Variants in PARD6G observed in about 807,000 individuals in gnomAD.
PARD6G encodes par-6 family cell polarity regulator gamma.
Under a neutral mutation model 10.7 loss-of-function variants are expected in PARD6G, and 7 were observed. The observed-to-expected ratio is 0.66, with a 90% CI of 0.37 to 1.23. The LOEUF is 1.23. Ranked by LOEUF, PARD6G falls within the 50% of genes most tolerant of loss-of-function variation. The pLI is 0.02. For synonymous variants in PARD6G, 287 were observed against 269.4 expected (o/e 1.07, Z -0.64); for missense variants, 548 against 571.8 (o/e 0.96, Z 0.42).
In PARD6G at chr18:80,231,240, G is replaced by T. The variant is rs527654622; in HGVS notation, c.72+16037C>A. The stretch of plus-strand genomic sequence containing the variant: ...GGTAGGGCCAGGGGAAAGGTGCTGG[G>T]GGTTGGCCTGGGCCCAAGTGTGTGA... On this transcript the variant is annotated intron_variant, in intron 1 of 2. Transcript: ENST00000353265. The surrounding 1 kb of genome is among the most constrained non-coding windows in gnomAD (Gnocchi z 4.2). 4.6e-4 allele frequency among the ~76,000 whole-genome samples: 70 copies of T among 152,368 alleles called. No homozygotes were observed. Among genetic ancestry groups the T allele is most frequent in the South Asian group, 2.1e-3 (10 of 4,834 alleles).
chr18:80,235,793 TAAACCAGGAAGAAGTTG>T (rs1484023586), intron 1 of PARD6G, among the ~76,000 whole-genome samples: 1 of 152,118 alleles, frequency 6.6e-6, no homozygotes, highest in Non-Finnish European at 1.5e-5. Flanking sequence ...CTCCCAAGAC[TAAACCAGGAAGAAGTTG>T]AATCTCTGAA....
intron 2 of PARD6G, among the ~76,000 whole-genome samples, chr18:80,195,806 T>C (rs1283049575): frequency 2.7e-5 from 4 of 148,876 alleles, no homozygotes; most frequent in Non-Finnish European, 5.9e-5. Flanking sequence ...ACCTGGGAGG[T>C]GGCCGTGTCA....
intron 1 of PARD6G, among the ~76,000 whole-genome samples, chr18:80,227,392 C>A (rs1057446077): frequency 6.6e-6 from 1 of 152,218 alleles, no homozygotes; most frequent in African/African-American, 2.4e-5. Context: ...ATGAGTCCCA[C>A]CAGTCCGGCC....
chr18:80,217,124 A>C (rs892482706), intron 1 of PARD6G, among the ~76,000 whole-genome samples: 2 of 152,214 alleles, frequency 1.3e-5, no homozygotes, highest in African/African-American at 4.8e-5. Flanking sequence ...GCCCATAATC[A>C]TGTGGGTATG....
intron 1 of PARD6G, among the ~76,000 whole-genome samples, chr18:80,227,826 G>A (rs1451364354): frequency 6.6e-6 from 1 of 152,054 alleles, no homozygotes; most frequent in Admixed American, 6.6e-5. Context: ...TTCACGAGAG[G>A]GCAACCCCGG....
chr18:80,231,646 C>T lies in PARD6G; in HGVS notation c.72+15631G>A, dbSNP rs2145301900. 6.6e-6 allele frequency among the ~76,000 whole-genome samples: 1 copy of T among 152,244 alleles called. No individual in the cohort carries two copies. The highest frequency in any genetic ancestry group is 2.1e-4 in the South Asian group (1 of 4,828). On this transcript the variant is annotated intron_variant, in intron 1 of 2. Coordinates refer to ENST00000353265, the MANE Select transcript of PARD6G (RefSeq NM_032510.4). The surrounding 1 kb of genome is among the most constrained non-coding windows in gnomAD (Gnocchi z 4.2). ...CATAAAATAGATAAAAACATTCATC[C>T]CAGGGTTGTGGTGAGACTCTAATAT...
At position 80,215,246 on chromosome 18, in the gene PARD6G, C is replaced by T. The variant is rs572034757; in HGVS notation, c.73-12314G>A. Among the ~76,000 whole-genome samples the T allele has an allele frequency of 5.4e-4, 82 of 152,236 alleles. No homozygotes were observed. In the South Asian group the frequency reaches 7.0e-3, roughly 13 times the overall value. On this transcript the variant is annotated intron_variant, in intron 1 of 2. Coordinates refer to ENST00000353265, the MANE Select transcript of PARD6G (RefSeq NM_032510.4). The stretch of plus-strand genomic sequence containing the variant: ...TAGTAGATCTGCCTTATAAGAAATA[C>T]TAAAGGGCCTCCTCTTTCAGGCTGA...
At chr18:80,232,189 C>A (rs1465637908) in intron 1 of PARD6G, among the ~76,000 whole-genome samples, 1 of 149,454 alleles carries the variant, frequency 6.7e-6, no homozygotes, top group Non-Finnish European at 1.5e-5. Flanking sequence ...CCCCAAGCCA[C>A]ACAATTCAAC....
intron 2 of PARD6G, among the ~76,000 whole-genome samples, chr18:80,193,166 T>C (rs1229211033): frequency 6.6e-6 from 1 of 152,112 alleles, no homozygotes; most frequent in Admixed American, 6.5e-5. Flanking sequence ...CTCCTGACCC[T>C]GACGTCCTCC....
chr18:80,178,791 G>A (rs529569877), intron 2 of PARD6G, among the ~76,000 whole-genome samples: 10 of 151,512 alleles, frequency 6.6e-5, no homozygotes, highest in East Asian at 3.9e-4. Flanking sequence ...GACACATGCC[G>A]ACAGCATGGC....
chr18:80,200,771 T>C lies in PARD6G; in HGVS notation c.295+1939A>G, dbSNP rs1348321984. 6.6e-6 allele frequency among the ~76,000 whole-genome samples: 1 copy of C among 152,184 alleles called. No homozygotes were observed. The highest frequency in any genetic ancestry group is 6.5e-5 in the Admixed American group (1 of 15,286). ...CTGGAAAGAGGCAGAGTGTCCGAGC[T>C]GCTGCTGGAGGTTAGCACGTTCCCA... On this transcript the variant is annotated intron_variant, in intron 2 of 2. Transcript: ENST00000353265. The surrounding 1 kb of genome is among the most constrained non-coding windows in gnomAD (Gnocchi z 4.4).
At chr18:80,208,003 A>G (rs2145284558) in intron 1 of PARD6G, among the ~76,000 whole-genome samples, 1 of 152,280 alleles carries the variant, frequency 6.6e-6, no homozygotes, top group Non-Finnish European at 1.5e-5. Context: ...TGTTTATCCT[A>G]TTTTAAAATG....
intron 1 of PARD6G, among the ~76,000 whole-genome samples, chr18:80,214,136 A>C (rs1386046395): frequency 6.6e-6 from 1 of 151,932 alleles, no homozygotes; most frequent in Admixed American, 6.6e-5. Flanking sequence ...CTAAAGGAAA[A>C]CATTTCTAAA....
At chr18:80,195,557 A>ATG (rs2086325101) in intron 2 of PARD6G, among the ~76,000 whole-genome samples, 1 of 100,864 alleles carries the variant, frequency 9.9e-6, no homozygotes, top group African/African-American at 4.7e-5. Context: ...ACATATATAT[A>ATG]TATATATATA....
In PARD6G at chr18:80,177,487, T is replaced by C. The variant is rs574279041; in HGVS notation, c.296-16881A>G. On this transcript the variant is annotated intron_variant, in intron 2 of 2. Coordinates refer to ENST00000353265, the MANE Select transcript of PARD6G (RefSeq NM_032510.4). ...AGCACACACACACATGCACAGGGGA[T>C]AAATAATCCAAATGGGAAGCACACA... Among the ~76,000 whole-genome samples the C allele has an allele frequency of 1.8e-3, 205 of 114,450 alleles. 2 individuals are homozygous for C. The highest frequency in any genetic ancestry group is 6.7e-3 in the African/African-American group (189 of 28,288). The allele number at this position is 114,450 out of a possible 152,430, so 75.1% of individuals were successfully genotyped here.
intron 2 of PARD6G, among the ~76,000 whole-genome samples, chr18:80,168,234 C>T (rs2052749619): frequency 6.6e-6 from 1 of 152,166 alleles, no homozygotes. Context: ...GTACTGCCCG[C>T]ATGCAGCTGC....
rs11875947 is a variant in PARD6G at position 80,195,195 on chromosome 18, A to T, written c.295+7515T>A. Among the ~76,000 whole-genome samples, 580 of 152,292 alleles carry T rather than the reference A, an allele frequency of 3.8e-3. 2 individuals are homozygous for T. The highest frequency in any genetic ancestry group is 0.013 in the African/African-American group (550 of 41,554). Reference sequence around the variant, plus strand: ...CCACTCTGACATGACAGAAACAATGACATGGCCATTTTTACCACACAACAC... The same window carrying T: ...CCACTCTGACATGACAGAAACAATGTCATGGCCATTTTTACCACACAACAC... On this transcript the variant is annotated intron_variant, in intron 2 of 2. Coordinates refer to ENST00000353265, the MANE Select transcript of PARD6G (RefSeq NM_032510.4).
rs1406934532 is a variant in PARD6G, at chr18:80,157,388, C to T, written c.*2383G>A. 1 of 151,908 alleles carries T rather than the reference C, an allele frequency of 6.6e-6. No homozygotes were observed. The highest frequency in any genetic ancestry group is 2.4e-5 in the African/African-American group (1 of 41,344). 9.4% of individuals were successfully genotyped at this position (151,908 alleles called of 1,614,324 possible). Reference sequence around the variant, plus strand: ...AATACACCCAAGCAGCTGTTCTAAGCAGTAATTCCTAAAATTATGAATAGC... The same window carrying T: ...AATACACCCAAGCAGCTGTTCTAAGTAGTAATTCCTAAAATTATGAATAGC... On this transcript the variant is annotated 3_prime_UTR_variant, in exon 3 of 3. Transcript: ENST00000353265.
chr18:80,216,044 A>G (rs1485053898), intron 1 of PARD6G, among the ~76,000 whole-genome samples: 2 of 152,114 alleles, frequency 1.3e-5, no homozygotes, highest in Non-Finnish European at 2.9e-5. Context: ...TAAAAGGGTA[A>G]ATCTATCAGG....
Sources: allele counts gnomAD v4.1 joint callset (sites outside exome capture counted in the v4.1 genomes callset), GRCh38; gene constraint gnomAD v4.1.1; non-coding constraint Gnocchi (gnomAD v3.1); transcripts MANE v1.5; gene names NCBI Gene and HGNC (gene_info 2026-07-23, HGNC 2026-07-21).